TTC39C: variants seen among roughly 807,000 people sequenced by gnomAD.
The protein encoded by TTC39C is tetratricopeptide repeat domain 39C, also known as tetratricopeptide repeat protein 39C.
In TTC39C, 33 loss-of-function variants were observed where a neutral mutation model predicts 76.3. The observed-to-expected ratio is 0.43, with a 90% confidence interval of 0.33 to 0.58. The LOEUF is 0.58. TTC39C is among the 20% of genes least tolerant of loss of function. The probability of loss-of-function intolerance (pLI) is 0.04; values close to 1 mark genes in which losing one functional copy is unlikely to be tolerated. For synonymous variants in TTC39C, 254 were observed against 260.6 expected, an observed-to-expected ratio of 0.97 and a Z score of 0.24; for missense variants, 595 against 701.4, an observed-to-expected ratio of 0.85 and a Z score of 1.71.
At chr18:24,014,629 G>T (rs1207981234), upstream of TTC39C, 1 of 412,436 alleles carries the variant, frequency 2.4e-6, no homozygotes. Flanking sequence ...GAGCGGGCGG[G>T]TGCTGCTGAG....
At chr18:24,003,691 CT>C (rs11330360) in intron 1 of TTC39C, among the ~76,000 whole-genome samples, 54,508 of 151,554 alleles carry the variant, frequency 0.36, 11,109 homozygotes, top group East Asian at 0.72. Context: ...AAGACAAATA[CT>C]TTTTTAAATG....
chr18:24,021,539 C>CTTTTTTT (rs60505555), intron 1 of TTC39C, among the ~76,000 whole-genome samples: 4 of 118,896 alleles, frequency 3.4e-5, no homozygotes, highest in South Asian at 5.3e-4. Flanking sequence ...TTCTTTCCTT[C>CTTTTTTT]TTTTTTTTTT....
intron 1 of TTC39C, among the ~76,000 whole-genome samples, chr18:24,020,585 T>G (rs1599241340): frequency 6.6e-6 from 1 of 152,354 alleles, no homozygotes; most frequent in Non-Finnish European, 1.5e-5. Flanking sequence ...GGCGCAGTAT[T>G]TGCGTATCAC....
intron 4 of TTC39C, among the ~76,000 whole-genome samples, chr18:24,080,237 C>T (rs1046835695): frequency 5.3e-5 from 8 of 152,068 alleles, no homozygotes; most frequent in Non-Finnish European, 7.4e-5. Context: ...AGAAATGCAG[C>T]GGAGGGTTTC....
intron 1 of TTC39C, among the ~76,000 whole-genome samples, chr18:24,024,486 A>G (rs1339877238): frequency 6.6e-6 from 1 of 152,192 alleles, no homozygotes; most frequent in Non-Finnish European, 1.5e-5. Context: ...GAAGTAACAG[A>G]CTAAATTTAC....
intron 1 of TTC39C, among the ~76,000 whole-genome samples, chr18:24,057,654 C>T (rs1334802116): frequency 6.6e-6 from 1 of 152,154 alleles, no homozygotes; most frequent in African/African-American, 2.4e-5. Context: ...TGCTGTAATA[C>T]TAGATCTGTT....
At chr18:24,004,933 G>A (rs1242584718) in intron 1 of TTC39C, among the ~76,000 whole-genome samples, 1 of 152,212 alleles carries the variant, frequency 6.6e-6, no homozygotes, top group African/African-American at 2.4e-5. Flanking sequence ...CTAAAATGCA[G>A]ATGCCTGGGC....
At chr18:23,999,946 GGT>G in intron 1 of TTC39C, among the ~76,000 whole-genome samples, 1 of 152,214 alleles carries the variant, frequency 6.6e-6, no homozygotes, top group Non-Finnish European at 1.5e-5. Context: ...GAATTTATTG[GGT>G]GTACATGGGA....
intron 3 of TTC39C, among the ~76,000 whole-genome samples, chr18:24,068,880 C>T (rs551107624): frequency 3.3e-5 from 5 of 152,204 alleles, no homozygotes; most frequent in East Asian, 1.9e-4. Flanking sequence ...GGTGAAACTC[C>T]GAGGTTTTTT....
At chr18:24,053,342 T>C (rs1324699742) in intron 1 of TTC39C, among the ~76,000 whole-genome samples, 1 of 152,216 alleles carries the variant, frequency 6.6e-6, no homozygotes, top group Non-Finnish European at 1.5e-5. Flanking sequence ...AACCATTGAA[T>C]GAATGCCACG....
chr18:24,115,844 G>A (rs1222342255), intron 7 of TTC39C, among the ~76,000 whole-genome samples: 1 of 152,230 alleles, frequency 6.6e-6, no homozygotes, highest in East Asian at 1.9e-4. Context: ...TCTACACTCT[G>A]CTGGAGCTCT....
At chr18:23,995,145 C>T (rs551244148) in intron 1 of TTC39C, among the ~76,000 whole-genome samples, 46 of 152,176 alleles carry the variant, frequency 3.0e-4, no homozygotes, top group Admixed American at 1.1e-3. Context: ...ACACTAATCC[C>T]GATAATTTTG....
In TTC39C at chr18:24,078,191, G is replaced by T. The variant is rs918773228; in HGVS notation, c.461-2394G>T. The stretch of plus-strand genomic sequence containing the variant: ...CCCTATAGCATTCTTTTTAGTGGAG[G>T]TAGACTATAGGACATTAATCACCCA... On this transcript the variant is annotated intron_variant, in intron 4 of 13. Transcript: ENST00000317571. 5.9e-5 allele frequency among the ~76,000 whole-genome samples: 9 copies of T among 152,286 alleles called. No individual in the cohort carries two copies. The East Asian group carries it at 1.7e-3, about 29-fold the overall frequency.
chr18:24,055,505 T>A (rs980148830), intron 1 of TTC39C, among the ~76,000 whole-genome samples: 2 of 152,216 alleles, frequency 1.3e-5, no homozygotes, highest in Non-Finnish European at 2.9e-5. Flanking sequence ...CTTCTGTTCA[T>A]GTGCTTATAT....
At chr18:24,001,872 C>T (rs1236389390) in intron 1 of TTC39C, among the ~76,000 whole-genome samples, 4 of 143,804 alleles carry the variant, frequency 2.8e-5, no homozygotes, top group Non-Finnish European at 4.5e-5. Flanking sequence ...GTGGCCCAGG[C>T]GGGAGTGCAG....
At chr18:24,065,928 T>C in intron 2 of TTC39C, 84 bp from the exon 3 acceptor site, 1 of 1,381,332 alleles carries the variant, frequency 7.2e-7, no homozygotes, top group South Asian at 1.5e-5. Context: ...AAGTGTTTTT[T>C]TAATTTGGAG....
intron 6 of TTC39C, among the ~76,000 whole-genome samples, chr18:24,097,022 G>A (rs2084597925): frequency 6.6e-6 from 1 of 152,192 alleles, no homozygotes; most frequent in Admixed American, 6.5e-5. Context: ...AATCAGGACT[G>A]TAAGGTGAAT....
intron 1 of TTC39C, among the ~76,000 whole-genome samples, chr18:23,997,237 CAAGACCCTGTCTCTAAAAAGAAAAATAAA>C (rs2083268774): frequency 6.6e-6 from 1 of 151,868 alleles, no homozygotes; most frequent in East Asian, 1.9e-4. Flanking sequence ...GGCAACACAG[CAAGACCCTGTCTCTAAAAAGAAAAATAAA>C]AAGGCCAGGT....
At chr18:24,043,184 A>G (rs1245709227) in intron 1 of TTC39C, among the ~76,000 whole-genome samples, 2 of 152,210 alleles carry the variant, frequency 1.3e-5, no homozygotes, top group Non-Finnish European at 2.9e-5. Context: ...ATATGTTGAA[A>G]GAAGAATGAA....
Sources: gnomAD v4.1 joint callset for allele counts (sites outside exome capture counted in the v4.1 genomes callset) on GRCh38, gnomAD v4.1.1 for gene constraint, MANE v1.5 for transcripts, NCBI Gene and HGNC (gene_info 2026-07-23, HGNC 2026-07-21) for gene names.